SPTSSB: variants seen among roughly 807,000 people sequenced by gnomAD.
The protein encoded by SPTSSB is androgen down regulated in mouse prostate.
SPTSSB carries 6 observed loss-of-function variants against 7.7 expected under a neutral mutation model. The ratio of observed to expected loss-of-function variants is 0.78; its 90% CI spans 0.43 to 1.54. The LOEUF (loss-of-function observed/expected upper bound fraction) is 1.54, where lower values mean the gene tolerates loss of function less well. Among genes scored for constraint, SPTSSB ranks in the 40% most tolerant of loss-of-function variants. The pLI, the probability that SPTSSB is intolerant of heterozygous loss-of-function variation, is 0.01. For missense variants in SPTSSB, 91 were observed against 93.0 expected (o/e 0.98, Z 0.09); for synonymous variants, 28 against 29.7 (o/e 0.94, Z 0.19).
chr3:161,359,108 G>A (rs993411963), intron 2 of SPTSSB, among the ~76,000 whole-genome samples: 7 of 151,946 alleles, frequency 4.6e-5, no homozygotes, highest in African/African-American at 1.7e-4. Context: ...TAGTATCTAG[G>A]TGTTTTTTTT....
intron 2 of SPTSSB, among the ~76,000 whole-genome samples, chr3:161,354,312 T>C (rs999007206): frequency 3.4e-4 from 52 of 152,204 alleles, no homozygotes; most frequent in African/African-American, 1.2e-3. Flanking sequence ...TAACAGAATG[T>C]TTTATGGCTA....
chr3:161,364,155 A>C (rs1385363683), intron 1 of SPTSSB, among the ~76,000 whole-genome samples: 2 of 152,140 alleles, frequency 1.3e-5, no homozygotes, highest in African/African-American at 4.8e-5. Flanking sequence ...CTATCTAAAC[A>C]GATATACAGC....
intron 1 of SPTSSB, among the ~76,000 whole-genome samples, chr3:161,365,412 G>A (rs984405442): frequency 1.3e-5 from 2 of 152,232 alleles, no homozygotes; most frequent in Non-Finnish European, 1.5e-5. Context: ...GAAGTGTAAG[G>A]TTCTCAGGGG....
At chr3:161,361,823 C>A (rs1198184715) in intron 1 of SPTSSB, among the ~76,000 whole-genome samples, 1 of 152,118 alleles carries the variant, frequency 6.6e-6, no homozygotes, top group Non-Finnish European at 1.5e-5. Context: ...ATGATAACTC[C>A]CATGAGCCTC....
chr3:161,346,482 A>G, intron 2 of SPTSSB, 127 bp from the exon 3 acceptor site: 1 of 500,364 alleles, frequency 2.0e-6, no homozygotes, highest in Non-Finnish European at 3.6e-6. Context: ...TTATTAATAT[A>G]TGAATATTCT....
chr3:161,363,045 A>G (rs756628658), intron 1 of SPTSSB, among the ~76,000 whole-genome samples: 1 of 151,934 alleles, frequency 6.6e-6, no homozygotes, highest in Non-Finnish European at 1.5e-5. Context: ...ATAAGGTGTC[A>G]ATTATGTTCT....
chr3:161,352,235 A>T (rs1434114013), intron 2 of SPTSSB, among the ~76,000 whole-genome samples: 1 of 152,130 alleles, frequency 6.6e-6, no homozygotes, highest in Non-Finnish European at 1.5e-5. Flanking sequence ...TCTCCAGTTA[A>T]ATCTCTCAAC....
intron 2 of SPTSSB, among the ~76,000 whole-genome samples, chr3:161,355,231 A>G (rs1714715276): frequency 6.6e-6 from 1 of 152,230 alleles, no homozygotes; most frequent in African/African-American, 2.4e-5. Flanking sequence ...TTGTTGTTAT[A>G]TAAAGAAGGA....
chr3:161,355,096 G>A (rs552962667), intron 2 of SPTSSB, among the ~76,000 whole-genome samples: 5 of 152,188 alleles, frequency 3.3e-5, no homozygotes, highest in Non-Finnish European at 5.9e-5. Flanking sequence ...AACAGGGTAA[G>A]TATCCCTGCT....
chr3:161,361,400 G>A (rs1000057879), intron 1 of SPTSSB, among the ~76,000 whole-genome samples: 1 of 152,114 alleles, frequency 6.6e-6, no homozygotes, highest in Non-Finnish European at 1.5e-5. Flanking sequence ...AAATCTCACC[G>A]ATTCTAAGAT....
intron 2 of SPTSSB, among the ~76,000 whole-genome samples, chr3:161,351,639 A>C (rs1339732473): frequency 3.3e-5 from 5 of 152,130 alleles, no homozygotes; most frequent in Non-Finnish European, 7.4e-5. Context: ...TATAACTGAA[A>C]CAAACATCTC....
chr3:161,350,523 A>C (rs955593950), intron 2 of SPTSSB, among the ~76,000 whole-genome samples: 1 of 149,012 alleles, frequency 6.7e-6, no homozygotes, highest in African/African-American at 2.5e-5. Flanking sequence ...ACTCAGCTTC[A>C]TTTTTTTTTT....
intron 2 of SPTSSB, among the ~76,000 whole-genome samples, chr3:161,348,793 T>G (rs906538624): frequency 6.6e-6 from 1 of 152,212 alleles, no homozygotes; most frequent in African/African-American, 2.4e-5. Flanking sequence ...TGTCTCTTTT[T>G]CTCTGATTCA....
chr3:161,346,527 T>A (rs1020675167), intron 2 of SPTSSB, among the ~76,000 whole-genome samples, 172 bp from the exon 3 acceptor site: 1 of 152,216 alleles, frequency 6.6e-6, no homozygotes, highest in East Asian at 1.9e-4. Flanking sequence ...CTATAAAAAT[T>A]AATAATATTG....
chr3:161,369,342 TTCTTTCTTTCTC>T (rs1560109079), intron 1 of SPTSSB, among the ~76,000 whole-genome samples: 2 of 102,684 alleles, frequency 1.9e-5, no homozygotes, highest in African/African-American at 8.0e-5. Context: ...CTTTCTTTCT[TTCTTTCTTTCTC>T]TTTCTTTCTC....
intron 1 of SPTSSB, 95 bp from the exon 2 acceptor site, chr3:161,359,989 T>C (rs1714942214): frequency 6.3e-6 from 1 of 157,504 alleles, no homozygotes; most frequent in South Asian, 2.0e-4. Context: ...GCCATCTAGA[T>C]GGATAATCTC....
chr3:161,346,153 A>G lies in SPTSSB; in HGVS notation c.171T>C (p.Ile57=), dbSNP rs1576892359. ...TTGAGAAAAATTCCCAAGCCAGGCG[A>G]ATGTGGATTGGAATAAAGACATAGG... ...YTAYVFIPIH[I]RLAWEFFSKI... is the part of the protein sequence containing the mutation. Residue 57 remains isoleucine, a synonymous_variant, in exon 3 of 3, where the codon ATT becomes ATC. Coordinates refer to ENST00000620149, the MANE Select transcript of SPTSSB (RefSeq NM_001040100.2). 1 of 1,612,570 alleles carries G rather than the reference A, an allele frequency of 6.2e-7. No individual in the cohort carries two copies. Among genetic ancestry groups the G allele is most frequent in the Non-Finnish European group, 8.5e-7 (1 of 1,178,542 alleles).
At chr3:161,347,418 C>T (rs1406044723) in intron 2 of SPTSSB, among the ~76,000 whole-genome samples, 3 of 151,872 alleles carry the variant, frequency 2.0e-5, no homozygotes, top group South Asian at 2.1e-4. Flanking sequence ...CCACCATGCC[C>T]GGCTAATTTT....
intron 1 of SPTSSB, among the ~76,000 whole-genome samples, chr3:161,371,218 T>C (rs1308065724): frequency 6.6e-6 from 1 of 152,212 alleles, no homozygotes. Context: ...AGTTTCAGTG[T>C]TAAAGTTTGG....
Sources: gnomAD v4.1 joint callset for allele counts (sites outside exome capture counted in the v4.1 genomes callset) on GRCh38, gnomAD v4.1.1 for gene constraint, MANE v1.5 for transcripts, NCBI Gene and HGNC (gene_info 2026-07-23, HGNC 2026-07-21) for gene names.